Variants in SGCZ observed in about 807,000 individuals in gnomAD.
SGCZ encodes the protein zeta-sarcoglycan.
A neutral mutation model predicts 41.3 loss-of-function variants in SGCZ; 40 were observed. That is an observed-to-expected ratio of 0.97 (90% CI 0.75 to 1.26). SGCZ has a LOEUF of 1.26. Among genes scored for constraint, SGCZ ranks in the 50% most tolerant of loss-of-function variants. SGCZ has a pLI of 0.00. For synonymous variants in SGCZ, 206 were observed against 137.5 expected, an observed-to-expected ratio of 1.50 and a Z score of -3.49; for missense variants, 552 against 369.8, an observed-to-expected ratio of 1.49 and a Z score of -4.04.
intron 1 of SGCZ, among the ~76,000 whole-genome samples, chr8:14,752,133 A>AC (rs917364973): frequency 8.5e-4 from 1 of 1,182 alleles, no homozygotes; most frequent in African/African-American, 1.5e-3. Flanking sequence ...CAAAAAAGCC[A>AC]AAAAAAAAAA....
intron 4 of SGCZ, among the ~76,000 whole-genome samples, chr8:14,205,684 C>A (rs1805592886): frequency 6.6e-6 from 1 of 152,088 alleles, no homozygotes; most frequent in Non-Finnish European, 1.5e-5. Context: ...AGTTTCCAGG[C>A]AGCTCTGAAC....
chr8:14,684,002 G>C (rs1482582495), intron 1 of SGCZ, among the ~76,000 whole-genome samples: 1 of 152,064 alleles, frequency 6.6e-6, no homozygotes, highest in East Asian at 1.9e-4. Flanking sequence ...TTTATCACTT[G>C]TGCTTTTCCT....
At chr8:14,534,701 C>G (rs1160656627) in intron 2 of SGCZ, among the ~76,000 whole-genome samples, 1 of 151,904 alleles carries the variant, frequency 6.6e-6, no homozygotes, top group African/African-American at 2.4e-5. Flanking sequence ...TAACAATATC[C>G]AATTCTGTCA....
At chr8:14,428,731 G>T (rs1799860870) in intron 2 of SGCZ, among the ~76,000 whole-genome samples, 1 of 152,186 alleles carries the variant, frequency 6.6e-6, no homozygotes, top group South Asian at 2.1e-4. Flanking sequence ...CTTTAAGAAG[G>T]CTCTGGTAGT....
intron 1 of SGCZ, among the ~76,000 whole-genome samples, chr8:15,126,775 G>C (rs140512841): frequency 7.9e-5 from 12 of 152,172 alleles, no homozygotes; most frequent in African/African-American, 2.9e-4. Flanking sequence ...CTGTGGCTAA[G>C]GATGACTGAA....
chr8:14,453,782 A>G (rs553411184), intron 2 of SGCZ, among the ~76,000 whole-genome samples: 2 of 152,216 alleles, frequency 1.3e-5, no homozygotes, highest in African/African-American at 2.4e-5. Context: ...TCAAAAATCT[A>G]CTTTGCAATG....
chr8:14,434,666 T>C (rs1800036981), intron 2 of SGCZ, among the ~76,000 whole-genome samples: 1 of 152,180 alleles, frequency 6.6e-6, no homozygotes, highest in Non-Finnish European at 1.5e-5. Flanking sequence ...GTAGTATTCC[T>C]TGTAGGGGTC....
At chr8:15,058,504 C>T (rs977283498) in intron 1 of SGCZ, among the ~76,000 whole-genome samples, 8 of 152,172 alleles carry the variant, frequency 5.3e-5, no homozygotes, top group African/African-American at 9.6e-5. Context: ...TATAACAAAT[C>T]TTAAAAATCT....
chr8:15,204,868 T>A (rs975693404), intron 1 of SGCZ, among the ~76,000 whole-genome samples: 1 of 152,190 alleles, frequency 6.6e-6, no homozygotes, highest in Non-Finnish European at 1.5e-5. Flanking sequence ...CAGGATTATA[T>A]ACGATTCAGT....
chr8:15,026,270 A>C (rs1345844074), intron 1 of SGCZ, among the ~76,000 whole-genome samples: 1 of 152,270 alleles, frequency 6.6e-6, no homozygotes. Flanking sequence ...CTACTTCCTG[A>C]AAGAAATACC....
chr8:14,255,222 C>G (rs1276301923), intron 3 of SGCZ, among the ~76,000 whole-genome samples: 1 of 152,270 alleles, frequency 6.6e-6, no homozygotes, highest in East Asian at 1.9e-4. Context: ...AGGAATCATT[C>G]CAGTCATAAT....
At chr8:14,190,214 G>A (rs1350395709) in intron 4 of SGCZ, among the ~76,000 whole-genome samples, 3 of 151,606 alleles carry the variant, frequency 2.0e-5, no homozygotes, top group African/African-American at 7.3e-5. Flanking sequence ...GGGTTTCACC[G>A]TGTTAGCCAG....
chr8:14,681,683 T>C (rs9325728), intron 1 of SGCZ, among the ~76,000 whole-genome samples: 30,387 of 152,106 alleles, frequency 0.2, 3,690 homozygotes, highest in East Asian at 0.44. Flanking sequence ...ATTACTCAGA[T>C]CTAAAATAAT....
At chr8:15,114,210 C>T (rs1051960575) in intron 1 of SGCZ, among the ~76,000 whole-genome samples, 5 of 152,162 alleles carry the variant, frequency 3.3e-5, no homozygotes, top group African/African-American at 1.2e-4. Context: ...TATCCCTGCA[C>T]TAATCATTTT....
At chr8:15,176,979 C>A (rs1250031409) in intron 1 of SGCZ, among the ~76,000 whole-genome samples, 1 of 151,878 alleles carries the variant, frequency 6.6e-6, no homozygotes, top group Non-Finnish European at 1.5e-5. Flanking sequence ...CCAGCCTGGG[C>A]AACAGAGCGA....
At chr8:14,292,848 C>G (rs759417446) in intron 3 of SGCZ, among the ~76,000 whole-genome samples, 6 of 151,730 alleles carry the variant, frequency 4.0e-5, no homozygotes, top group Non-Finnish European at 7.4e-5. Context: ...ATAGAGTAAT[C>G]CCTCTGTCTC....
chr8:14,352,921 A>G (rs1803154901), intron 2 of SGCZ, among the ~76,000 whole-genome samples: 1 of 152,082 alleles, frequency 6.6e-6, no homozygotes, highest in Admixed American at 6.6e-5. Flanking sequence ...CTGCATACAT[A>G]TCATTTGACA....
chr8:14,596,527 T>G (rs1182436277), intron 1 of SGCZ, among the ~76,000 whole-genome samples: 1 of 152,196 alleles, frequency 6.6e-6, no homozygotes, highest in African/African-American at 2.4e-5. Context: ...AGAAATGTCT[T>G]AATAATAAAA....
chr8:14,130,138 C>T (rs938510362), intron 5 of SGCZ, among the ~76,000 whole-genome samples: 6 of 151,878 alleles, frequency 4.0e-5, no homozygotes, highest in African/African-American at 1.5e-4. Flanking sequence ...GACATGTAGG[C>T]CAATAGAATA....
Sources: allele counts gnomAD v4.1 joint callset (sites outside exome capture counted in the v4.1 genomes callset), GRCh38; gene constraint gnomAD v4.1.1; transcripts MANE v1.5; gene names NCBI Gene and HGNC (gene_info 2026-07-23, HGNC 2026-07-21).